Variants in MTMR8 observed in about 807,000 individuals in gnomAD.
The protein encoded by MTMR8 is myotubularin related protein 8, also known as phosphatidylinositol-3,5-bisphosphate 3-phosphatase MTMR8.
Under a neutral mutation model 39.3 loss-of-function variants are expected in MTMR8, and 65 were observed. The observed-to-expected ratio is 1.65, with a 90% CI of 1.35 to 2.03. MTMR8 has a LOEUF of 2.03. Among genes scored for constraint, MTMR8 ranks in the 30% most tolerant of loss-of-function variants. The probability of loss-of-function intolerance (pLI) is 0.00; values close to 1 mark genes in which losing one functional copy is unlikely to be tolerated. For synonymous variants in MTMR8, 245 were observed against 185.2 expected, an observed-to-expected ratio of 1.32 and a Z score of -2.62; for missense variants, 777 against 538.9, an observed-to-expected ratio of 1.44 and a Z score of -4.37.
At chrX:64,392,559 T>G (rs1924715513) in intron 1 of MTMR8, among the ~76,000 whole-genome samples, 3 of 110,961 alleles carry the variant, frequency 2.7e-5, no homozygotes, top group African/African-American at 1.0e-4. Flanking sequence ...GGGCATGAAG[T>G]GGACTTCTAG....
chrX:64,284,578 G>C (rs766077183), intron 12 of MTMR8, among the ~76,000 whole-genome samples: 1 of 111,708 alleles, frequency 9.0e-6, no homozygotes, highest in Non-Finnish European at 1.9e-5. Flanking sequence ...CAGAGAGAAA[G>C]GTCACATTAC....
chrX:64,364,965 G>A (rs1488406749), intron 1 of MTMR8, among the ~76,000 whole-genome samples: 2 of 111,641 alleles, frequency 1.8e-5, no homozygotes, highest in Non-Finnish European at 3.8e-5. Context: ...CATGATGCAT[G>A]CACAAGCTTC....
chrX:64,309,645 C>T (rs1054299976), intron 12 of MTMR8, among the ~76,000 whole-genome samples: 1 of 111,105 alleles, frequency 9.0e-6, no homozygotes, highest in African/African-American at 3.3e-5. Context: ...TTTGAAGTCA[C>T]AAATTATGAA....
intron 12 of MTMR8, among the ~76,000 whole-genome samples, chrX:64,281,182 G>C (rs1932002849): frequency 9.0e-6 from 1 of 111,435 alleles, no homozygotes; most frequent in South Asian, 3.8e-4. Flanking sequence ...ATTTTACATA[G>C]AATTAGAAAT....
intron 12 of MTMR8, among the ~76,000 whole-genome samples, chrX:64,315,902 T>TTAGAGAAACCA (rs1358351909): frequency 4.7e-4 from 52 of 111,356 alleles, no homozygotes; most frequent in Non-Finnish European, 7.5e-4. Context: ...TTCAGTGGTT[T>TTAGAGAAACCA]CTCTAGGCAG....
intron 1 of MTMR8, among the ~76,000 whole-genome samples, chrX:64,384,785 C>T (rs989357670): frequency 1.9e-4 from 21 of 112,503 alleles, no homozygotes; most frequent in African/African-American, 5.5e-4. Context: ...GTCTCTGGGT[C>T]TGTGATGGGA....
chrX:64,394,570 G>C (rs12834093), intron 1 of MTMR8, among the ~76,000 whole-genome samples: 13 of 111,896 alleles, frequency 1.2e-4, no homozygotes, highest in African/African-American at 4.2e-4. Flanking sequence ...CCCAGCCCCA[G>C]ACAGGAGAAA....
intron 12 of MTMR8, among the ~76,000 whole-genome samples, chrX:64,328,488 G>A (rs1922855870): frequency 1.8e-5 from 2 of 111,379 alleles, no homozygotes; most frequent in Admixed American, 9.6e-5. Flanking sequence ...AAGATACAGA[G>A]GAAGAGTAAA....
At chrX:64,370,759 C>A (rs1209540815) in intron 1 of MTMR8, among the ~76,000 whole-genome samples, 1 of 111,813 alleles carries the variant, frequency 8.9e-6, no homozygotes, top group African/African-American at 3.3e-5. Context: ...GTTGTTCACA[C>A]AATGACAAAA....
intron 12 of MTMR8, among the ~76,000 whole-genome samples, chrX:64,302,623 A>C (rs188373652): frequency 1.8e-5 from 2 of 112,663 alleles, no homozygotes; most frequent in Admixed American, 1.9e-4. Flanking sequence ...TCTTCATTAC[A>C]GGTTAGGAAC....
chrX:64,320,503 C>G (rs1309540949), intron 12 of MTMR8, among the ~76,000 whole-genome samples: 1 of 110,549 alleles, frequency 9.0e-6, no homozygotes, highest in South Asian at 3.9e-4. Context: ...TTATTTTGCC[C>G]ACCTTGGAAC....
intron 12 of MTMR8, among the ~76,000 whole-genome samples, chrX:64,276,599 T>A (rs1931876579): frequency 8.9e-6 from 1 of 111,908 alleles, no homozygotes; most frequent in Non-Finnish European, 1.9e-5. Flanking sequence ...TTTGAGTGAG[T>A]TTCTTAATCC....
intron 11 of MTMR8, among the ~76,000 whole-genome samples, chrX:64,329,266 G>T (rs935824458): frequency 9.0e-6 from 1 of 111,172 alleles, no homozygotes; most frequent in African/African-American, 3.3e-5. Context: ...CCAAATCAAG[G>T]ATTTTATGAA....
intron 12 of MTMR8, among the ~76,000 whole-genome samples, chrX:64,325,707 C>A (rs1038782776): frequency 8.9e-6 from 1 of 112,422 alleles, no homozygotes; most frequent in Non-Finnish European, 1.9e-5. Flanking sequence ...AAGTTGGAAG[C>A]TCTTCCTTAA....
At chrX:64,294,755 T>C (rs193052979) in intron 12 of MTMR8, among the ~76,000 whole-genome samples, 13 of 111,571 alleles carry the variant, frequency 1.2e-4, no homozygotes, top group African/African-American at 4.2e-4. Context: ...GAGAAAACAA[T>C]GTCTCTGGGG....
intron 12 of MTMR8, among the ~76,000 whole-genome samples, chrX:64,285,558 A>C (rs1286376143): frequency 8.9e-6 from 1 of 111,874 alleles, no homozygotes; most frequent in Non-Finnish European, 1.9e-5. Context: ...TCCAAAACTG[A>C]CCACATAGTT....
intron 12 of MTMR8, among the ~76,000 whole-genome samples, chrX:64,277,700 G>T (rs1431431780): frequency 9.0e-6 from 1 of 111,210 alleles, no homozygotes; most frequent in East Asian, 2.8e-4. Context: ...TGAATCTGAT[G>T]ATTATGTGTC....
intron 7 of MTMR8, among the ~76,000 whole-genome samples, chrX:64,343,923 G>A (rs1301285840): frequency 3.6e-5 from 4 of 111,415 alleles, no homozygotes; most frequent in Admixed American, 9.5e-5. Flanking sequence ...GCTTTATCAT[G>A]CTGTAGAACC....
intron 12 of MTMR8, among the ~76,000 whole-genome samples, chrX:64,303,453 G>C (rs7881405): frequency 9.8e-5 from 11 of 111,946 alleles, no homozygotes; most frequent in Non-Finnish European, 1.9e-4. Flanking sequence ...CCATTCTACA[G>C]TGTTTCAGAA....
Sources: gnomAD v4.1 joint callset for allele counts (sites outside exome capture counted in the v4.1 genomes callset) on GRCh38, gnomAD v4.1.1 for gene constraint, MANE v1.5 for transcripts, NCBI Gene and HGNC (gene_info 2026-07-23, HGNC 2026-07-21) for gene names.